The following PDE1A variants were observed in gnomAD, a reference collection of about 807,000 sequenced individuals.
The protein encoded by PDE1A is dual specificity calcium/calmodulin-dependent 3',5'-cyclic nucleotide phosphodiesterase 1A.
In PDE1A, 35 loss-of-function variants were observed where a neutral mutation model predicts 61.7. The ratio of observed to expected loss-of-function variants is 0.57; its 90% CI spans 0.43 to 0.75. The LOEUF is 0.75. PDE1A is among the 30% of genes least tolerant of loss of function. PDE1A has a pLI of 0.00. For synonymous variants in PDE1A, 232 were observed against 213.2 expected (o/e 1.09, Z -0.77); for missense variants, 597 against 630.6 (o/e 0.95, Z 0.57).
intron 2 of PDE1A, among the ~76,000 whole-genome samples, chr2:182,496,844 C>T (rs577418802): frequency 6.6e-6 from 1 of 152,342 alleles, no homozygotes; most frequent in Admixed American, 6.5e-5. Flanking sequence ...AGTAGTGGCC[C>T]TGACTTCCGG....
At chr2:182,703,391 G>A in the PDE1A span, among the ~76,000 whole-genome samples, 1 of 152,260 alleles carries the variant, frequency 6.6e-6, no homozygotes, top group East Asian at 1.9e-4. Flanking sequence ...ATGAGTGTAG[G>A]CAATGGTTAG....
At chr2:182,520,440 T>C (rs928131045) in intron 2 of PDE1A, among the ~76,000 whole-genome samples, 1 of 151,924 alleles carries the variant, frequency 6.6e-6, no homozygotes, top group Non-Finnish European at 1.5e-5. Flanking sequence ...TGGCTCTAAA[T>C]AAACACAACT....
chr2:182,404,585 TTTTC>T (rs1164750918), intron 1 of PDE1A, among the ~76,000 whole-genome samples: 11 of 152,234 alleles, frequency 7.2e-5, no homozygotes, highest in South Asian at 2.1e-4. Flanking sequence ...TACAAAAATA[TTTTC>T]TTTCTTTATG....
intron 1 of PDE1A, among the ~76,000 whole-genome samples, chr2:182,311,434 G>A (rs1374718730): frequency 3.3e-5 from 5 of 152,144 alleles, no homozygotes; most frequent in African/African-American, 9.7e-5. Flanking sequence ...ATATAGTCAC[G>A]TTACCATCAC....
chr2:182,331,477 G>A (rs1241521532), intron 1 of PDE1A, among the ~76,000 whole-genome samples: 1 of 152,178 alleles, frequency 6.6e-6, no homozygotes, highest in Admixed American at 6.5e-5. Flanking sequence ...TTTTTGCAGT[G>A]GCTGGTACCA....
intron 1 of PDE1A, among the ~76,000 whole-genome samples, chr2:182,426,114 G>A (rs1310116405): frequency 2.0e-5 from 3 of 152,166 alleles, no homozygotes; most frequent in East Asian, 1.9e-4. Context: ...ATTCCTGAGC[G>A]AGCTGTAAAA....
At chr2:182,523,878 C>T (rs1209318584), upstream of PDE1A, among the ~76,000 whole-genome samples, 1 of 151,994 alleles carries the variant, frequency 6.6e-6, no homozygotes, top group Non-Finnish European at 1.5e-5. Context: ...GACACTGATG[C>T]TATCTAGTAG....
At chr2:182,716,286 G>A in the PDE1A span, 6 of 152,432 alleles carry the variant, frequency 3.9e-5, no homozygotes, top group Non-Finnish European at 7.3e-5. Context: ...CGGCGCGTGA[G>A]GAACCTACCG....
At chr2:182,268,230 T>C (rs1692772693) in intron 1 of PDE1A, among the ~76,000 whole-genome samples, 1 of 152,026 alleles carries the variant, frequency 6.6e-6, no homozygotes, top group Admixed American at 6.6e-5. Context: ...CTGTGTTTGG[T>C]AGCAAACCAA....
intron 6 of PDE1A, among the ~76,000 whole-genome samples, chr2:182,227,023 T>C (rs1319805649): frequency 6.6e-6 from 1 of 151,918 alleles, no homozygotes; most frequent in Non-Finnish European, 1.5e-5. Context: ...CAAAGCTGAA[T>C]CCTAGAGAAA....
At chr2:182,200,328 G>T (rs915977843) in intron 10 of PDE1A, among the ~76,000 whole-genome samples, 5 of 152,148 alleles carry the variant, frequency 3.3e-5, no homozygotes, top group African/African-American at 9.7e-5. Flanking sequence ...TGATTAGAAA[G>T]TTGGAACTTT....
intron 2 of PDE1A, among the ~76,000 whole-genome samples, chr2:182,256,209 A>G (rs1417929644): frequency 1.4e-5 from 2 of 137,956 alleles, no homozygotes; most frequent in East Asian, 2.1e-4. Context: ...AGCATTAGGT[A>G]TATCTCCCCA....
intron 1 of PDE1A, among the ~76,000 whole-genome samples, chr2:182,377,620 T>C (rs370366147): frequency 7.2e-5 from 11 of 152,186 alleles, no homozygotes; most frequent in East Asian, 5.8e-4. Flanking sequence ...AGAAGTTAGT[T>C]TGGCAGTTTT....
In PDE1A at chr2:182,305,827, A is replaced by G. The variant is rs140520865; in HGVS notation, c.54-41413T>C. 1.4e-3 allele frequency among the ~76,000 whole-genome samples: 211 copies of G among 152,246 alleles called. 1 individual carries two copies. The East Asian group carries it at 0.039, about 28-fold the overall frequency. On this transcript the variant is annotated intron_variant, in intron 1 of 13. Transcript: ENST00000351439. ...TTATGATATAGGTATACAAAGTGGA[A>G]TGATTAAATCAAGCTAATTAACATA...
At chr2:182,455,233 T>C (rs1226008917) in intron 2 of PDE1A, among the ~76,000 whole-genome samples, 1 of 152,066 alleles carries the variant, frequency 6.6e-6, no homozygotes, top group African/African-American at 2.4e-5. Flanking sequence ...GTTAGAATGG[T>C]GATCACTAAG....
intron 10 of PDE1A, among the ~76,000 whole-genome samples, chr2:182,189,967 C>T (rs1161066244): frequency 1.3e-5 from 2 of 152,200 alleles, no homozygotes; most frequent in Admixed American, 6.5e-5. Context: ...TCATGAGCAA[C>T]ACCAGCCTTG....
At chr2:182,484,414 G>A (rs1687886136) in intron 2 of PDE1A, among the ~76,000 whole-genome samples, 1 of 151,904 alleles carries the variant, frequency 6.6e-6, no homozygotes, top group Non-Finnish European at 1.5e-5. Context: ...AAAAACTCTG[G>A]AAGATAATCT....
At chr2:182,527,303 TAAAAA>T (rs869281717), upstream of PDE1A, among the ~76,000 whole-genome samples, 87 of 22,814 alleles carry the variant, frequency 3.8e-3, 1 homozygote, top group African/African-American at 0.012. Context: ...CCTTTCTCTA[TAAAAA>T]AAAAAAAAAA....
chr2:182,293,777 A>G (rs1405034092), intron 1 of PDE1A, among the ~76,000 whole-genome samples: 1 of 152,204 alleles, frequency 6.6e-6, no homozygotes, highest in Non-Finnish European at 1.5e-5. Context: ...CTCCTTCTTA[A>G]AACACCTTAT....
Sources: gnomAD v4.1 joint callset for allele counts (sites outside exome capture counted in the v4.1 genomes callset) on GRCh38, gnomAD v4.1.1 for gene constraint, MANE v1.5 for transcripts, NCBI Gene and HGNC (gene_info 2026-07-23, HGNC 2026-07-21) for gene names.